The following ROBO2 variants were observed in gnomAD, a reference collection of about 807,000 sequenced individuals.
The protein encoded by ROBO2 is roundabout homolog 2.
Under a neutral mutation model 160.8 loss-of-function variants are expected in ROBO2, and 53 were observed. The observed-to-expected ratio is 0.33, with a 90% CI of 0.26 to 0.41. ROBO2 has a LOEUF of 0.41. Ranked by LOEUF, ROBO2 falls within the 10% of genes least tolerant of loss-of-function variation. The probability of loss-of-function intolerance (pLI) is 1.00; values close to 1 mark genes in which losing one functional copy is unlikely to be tolerated. For missense variants in ROBO2, 1,577 were observed against 1,722.4 expected (o/e 0.92, Z 1.49); for synonymous variants, 664 against 611.7 (o/e 1.09, Z -1.26).
At chr3:76,778,030 G>T (rs181676862) in intron 2 of ROBO2, among the ~76,000 whole-genome samples, 1 of 150,998 alleles carries the variant, frequency 6.6e-6, no homozygotes, top group African/African-American at 2.4e-5. Flanking sequence ...TACCTCCCTT[G>T]CACCCAGGCA....
In ROBO2 at chr3:76,364,464, G is replaced by A. The variant is rs75079780; in HGVS notation, c.109+426862G>A. On this transcript the variant is annotated intron_variant, in intron 2 of 26. Coordinates refer to the ROBO2 transcript ENST00000487694. ...CTGTATTCCTAAAACCTAGAATAACGCCTGTCAAATAATAGGTACTCAATA... is the reference window on the plus strand; with the variant it reads ...CTGTATTCCTAAAACCTAGAATAACACCTGTCAAATAATAGGTACTCAATA... Among the ~76,000 whole-genome samples the A allele has an allele frequency of 9.0e-3, 1,370 of 151,870 alleles. 19 individuals carry two copies. Among genetic ancestry groups the A allele is most frequent in the South Asian group, 0.066 (319 of 4,814 alleles).
chr3:77,522,012 C>T (rs2153627663), intron 5 of ROBO2, among the ~76,000 whole-genome samples: 1 of 151,176 alleles, frequency 6.6e-6, no homozygotes, highest in Non-Finnish European at 1.5e-5. Context: ...GGAAAGATCA[C>T]ATGTGAAAAA....
At chr3:76,919,824 G>A (rs1339146189) in intron 2 of ROBO2, among the ~76,000 whole-genome samples, 1 of 144,094 alleles carries the variant, frequency 6.9e-6, no homozygotes, top group Non-Finnish European at 1.5e-5. Context: ...ATAACTCCCT[G>A]ATATGTTTTA....
intron 2 of ROBO2, among the ~76,000 whole-genome samples, chr3:76,171,490 C>T (rs1005697539): frequency 1.3e-5 from 2 of 152,008 alleles, no homozygotes; most frequent in African/African-American, 4.8e-5. Context: ...AACTTAAGGG[C>T]GGGCCAAACC....
At chr3:76,887,193 C>CCTTTTTTTTTTTTTTT (rs1178064382) in intron 2 of ROBO2, among the ~76,000 whole-genome samples, 33 of 120,436 alleles carry the variant, frequency 2.7e-4, no homozygotes, top group Admixed American at 3.9e-4. Flanking sequence ...CTTCAGGAAG[C>CCTTTTTTTTTTTTTTT]ATTTTTTTTT....
chr3:75,997,210 C>A (rs1392726405), intron 2 of ROBO2, among the ~76,000 whole-genome samples: 1 of 152,106 alleles, frequency 6.6e-6, no homozygotes, highest in Admixed American at 6.5e-5. Context: ...GTTAATGTTT[C>A]TGTTGCAGGA....
chr3:77,439,000 T>C (rs1364624324), intron 2 of ROBO2, among the ~76,000 whole-genome samples: 1 of 152,090 alleles, frequency 6.6e-6, no homozygotes, highest in Admixed American at 6.6e-5. Flanking sequence ...ATCTCACTAG[T>C]TCAAGGGAAA....
intron 1 of ROBO2, among the ~76,000 whole-genome samples, chr3:77,097,081 A>T (rs1443558365): frequency 6.6e-6 from 1 of 152,208 alleles, no homozygotes; most frequent in Non-Finnish European, 1.5e-5. Context: ...TGAGCCGTGT[A>T]AAAGAATAGT....
At chr3:76,215,117 AAAACTAAC>A in intron 2 of ROBO2, among the ~76,000 whole-genome samples, 1 of 152,200 alleles carries the variant, frequency 6.6e-6, no homozygotes, top group East Asian at 1.9e-4. Flanking sequence ...TGTTAGAAGG[AAAACTAAC>A]AAACAGAAAG....
At chr3:77,125,313 A>T (rs748769434) in intron 2 of ROBO2, among the ~76,000 whole-genome samples, 2 of 152,174 alleles carry the variant, frequency 1.3e-5, no homozygotes, top group African/African-American at 4.8e-5. Flanking sequence ...CCAGGTGACT[A>T]TAGTGAAGGA....
intron 1 of ROBO2, among the ~76,000 whole-genome samples, chr3:77,053,719 A>G (rs11712939): frequency 0.16 from 24,694 of 152,184 alleles, 2,606 homozygotes; most frequent in South Asian, 0.25. Flanking sequence ...AAATTTAGGC[A>G]GCAGAAAATA....
intron 2 of ROBO2, among the ~76,000 whole-genome samples, chr3:75,976,052 G>C (rs141649857): frequency 0.01 from 1,592 of 151,652 alleles, 18 homozygotes; most frequent in Middle Eastern, 0.044. Context: ...AGGTAATGGA[G>C]GTCTTTGGCT....
intron 24 of ROBO2, chr3:77,642,706 G>A (rs2095365925): frequency 2.2e-6 from 1 of 456,520 alleles, no homozygotes; most frequent in African/African-American, 2.0e-5. Flanking sequence ...GCCAGGTCAG[G>A]GTTTAAGGCA....
chr3:77,350,515 A>G (rs746581460), intron 2 of ROBO2, among the ~76,000 whole-genome samples: 3 of 152,306 alleles, frequency 2.0e-5, no homozygotes, highest in African/African-American at 4.8e-5. Context: ...ACTTCCTAGT[A>G]TCATTCTGTA....
chr3:75,936,797 G>A (rs1441606161), intron 1 of ROBO2, among the ~76,000 whole-genome samples: 2 of 151,840 alleles, frequency 1.3e-5, no homozygotes, highest in African/African-American at 4.8e-5. Flanking sequence ...ATGAAAAGCA[G>A]TTTCAAAATG....
At chr3:77,291,769 A>G (rs1195182165) in intron 2 of ROBO2, among the ~76,000 whole-genome samples, 21 of 151,600 alleles carry the variant, frequency 1.4e-4, no homozygotes, top group Non-Finnish European at 2.8e-4. Flanking sequence ...GACATAAAGT[A>G]AAATTGAAGA....
chr3:76,059,870 C>T (rs1047570178), intron 2 of ROBO2, among the ~76,000 whole-genome samples: 3 of 152,170 alleles, frequency 2.0e-5, no homozygotes, highest in African/African-American at 7.2e-5. Context: ...CTACATATGG[C>T]TAGCCAGTTT....
chr3:76,304,663 G>C (rs1000990706), intron 2 of ROBO2, among the ~76,000 whole-genome samples: 2 of 152,150 alleles, frequency 1.3e-5, no homozygotes, highest in Non-Finnish European at 2.9e-5. Context: ...ACACAGCTAA[G>C]TTTGCCCTGA....
chr3:77,374,014 A>AC (rs2072231042), intron 2 of ROBO2, among the ~76,000 whole-genome samples: 1 of 151,462 alleles, frequency 6.6e-6, no homozygotes, highest in African/African-American at 2.4e-5. Context: ...TACTAAAAAT[A>AC]AAAAAATTGG....
Sources: gnomAD v4.1 joint callset for allele counts (sites outside exome capture counted in the v4.1 genomes callset) on GRCh38, gnomAD v4.1.1 for gene constraint, MANE v1.5 for transcripts, NCBI Gene and HGNC (gene_info 2026-07-23, HGNC 2026-07-21) for gene names.